F13A1: variants seen among roughly 807,000 people sequenced by gnomAD.
F13A1 encodes the protein coagulation factor XIII A chain, also known as FSF, A subunit.
F13A1 carries 47 observed loss-of-function variants against 80.1 expected under a neutral mutation model. The ratio of observed to expected loss-of-function variants is 0.59; its 90% confidence interval spans 0.46 to 0.75. F13A1 has a LOEUF of 0.75. Ranked by LOEUF, F13A1 falls within the 30% of genes least tolerant of loss-of-function variation. The pLI is 0.00. For missense variants in F13A1, 817 were observed against 930.4 expected, an observed-to-expected ratio of 0.88 and a Z score of 1.59; for synonymous variants, 349 against 344.9, an observed-to-expected ratio of 1.01 and a Z score of -0.13.
intron 10 of F13A1, among the ~76,000 whole-genome samples, chr6:6,190,510 G>A (rs1027805123): frequency 6.7e-6 from 1 of 150,288 alleles, no homozygotes; most frequent in African/African-American, 2.4e-5. Context: ...TCCCCTGCTG[G>A]GGGGTGCCTC....
At chr6:6,218,700 C>A (rs1757141319) in intron 8 of F13A1, among the ~76,000 whole-genome samples, 1 of 152,202 alleles carries the variant, frequency 6.6e-6, no homozygotes, top group South Asian at 2.1e-4. Context: ...TGAGGTGAGG[C>A]TCCCTCTTGG....
rs113911510 is a variant in F13A1 at position 6,289,779 on chromosome 6, G to A, written c.319+15572C>T. The stretch of plus-strand genomic sequence containing the variant: ...TATCAAGTCATACAAAGACATCAGT[G>A]TGCTTCCAAAATGTCATGCTCCACT... On this transcript the variant is annotated intron_variant, in intron 3 of 14. Transcript: ENST00000264870. 4.0e-3 allele frequency among the ~76,000 whole-genome samples: 605 copies of A among 151,828 alleles called. 4 individuals are homozygous for A. The highest frequency in any genetic ancestry group is 0.014 in the African/African-American group (582 of 41,352).
Position 6,284,351 on chromosome 6 carries a change from A to C in F13A1, c.320-17542T>G, listed in dbSNP as rs1232013727. Among the ~76,000 whole-genome samples, 33 of 152,274 alleles carry C rather than the reference A, an allele frequency of 2.2e-4. No homozygotes were observed. The East Asian group carries it at 6.0e-3, about 28-fold the overall frequency. On this transcript the variant is annotated intron_variant, in intron 3 of 14. Coordinates refer to ENST00000264870, the MANE Select transcript of F13A1 (RefSeq NM_000129.4). ...TGGAGAGAGTGTGTCATTTTCTATC[A>C]CTTAGAAATATGTTGCACAAATAGA...
chr6:6,302,728 CTATTA>C (rs1358220457), intron 3 of F13A1, among the ~76,000 whole-genome samples: 25 of 152,208 alleles, frequency 1.6e-4, no homozygotes, highest in African/African-American at 5.5e-4. Flanking sequence ...TCTCACTATT[CTATTA>C]TGATAGCTAT....
At chr6:6,227,467 G>A (rs1450733329) in intron 6 of F13A1, among the ~76,000 whole-genome samples, 1 of 152,238 alleles carries the variant, frequency 6.6e-6, no homozygotes, top group South Asian at 2.1e-4. Context: ...TGACTGGAGT[G>A]CAGCAGGCTT....
At chr6:6,295,335 G>T (rs1469047322) in intron 3 of F13A1, among the ~76,000 whole-genome samples, 1 of 148,088 alleles carries the variant, frequency 6.8e-6, no homozygotes, top group Admixed American at 6.7e-5. Flanking sequence ...CTTCCACAAT[G>T]GTTGAACTAG....
intron 3 of F13A1, among the ~76,000 whole-genome samples, chr6:6,278,490 T>C (rs1054902509): frequency 7.2e-5 from 11 of 152,108 alleles, no homozygotes; most frequent in African/African-American, 2.7e-4. Flanking sequence ...CCAATGTGCC[T>C]GAAGCAGAGA....
intron 13 of F13A1, among the ~76,000 whole-genome samples, chr6:6,153,671 G>A (rs555412194): frequency 1.3e-5 from 2 of 152,272 alleles, no homozygotes; most frequent in East Asian, 1.9e-4. Flanking sequence ...AGCATGGATC[G>A]TGTGCCAGGC....
rs1207408500 is a variant in F13A1 at position 6,293,806 on chromosome 6, GGAGGGAGGGAGGGAGGGAGA to G, written c.319+11525_319+11544del. On this transcript the variant is annotated intron_variant, in intron 3 of 14. Coordinates refer to ENST00000264870, the MANE Select transcript of F13A1 (RefSeq NM_000129.4). Reference sequence around the variant, plus strand: ...GAGAGGGAGGGAGGGAGGGAGGGAGGGAGGGAGGGAGGGAGGGAGAGAAGGAAATTGGTTAGAAGGCAGAA... The same window carrying G: ...GAGAGGGAGGGAGGGAGGGAGGGAGGGAAGGAAATTGGTTAGAAGGCAGAA... Among the ~76,000 whole-genome samples, 39 of 114,728 alleles carry G rather than the reference GGAGGGAGGGAGGGAGGGAGA, an allele frequency of 3.4e-4. 1 individual carries two copies. Among genetic ancestry groups the G allele is most frequent in the African/African-American group, 1.1e-3 (30 of 26,296 alleles). 75.3% of individuals were successfully genotyped at this position (114,728 alleles called of 152,430 possible).
At chr6:6,186,775 C>T (rs1362909882) in intron 10 of F13A1, among the ~76,000 whole-genome samples, 2 of 151,716 alleles carry the variant, frequency 1.3e-5, no homozygotes, top group African/African-American at 4.8e-5. Flanking sequence ...TCACTGGTAG[C>T]TTGATGGGGA....
intron 2 of F13A1, among the ~76,000 whole-genome samples, chr6:6,315,002 C>A (rs774662405): frequency 8.5e-5 from 13 of 152,148 alleles, no homozygotes; most frequent in Admixed American, 4.6e-4. Context: ...AGGTATAAGA[C>A]CCCATTAGCC....
chr6:6,320,594 C>A lies in F13A1; in HGVS notation c.-26G>T, dbSNP rs779064014. On this transcript the variant is annotated 5_prime_UTR_variant, in exon 1 of 15. Coordinates refer to ENST00000264870, the MANE Select transcript of F13A1 (RefSeq NM_000129.4). ...GCAGGGTCGGTGGCTTACCTGCAGGCGCTCCCCTCCAGAGGTGCCCTCGCG... is the reference window on the plus strand; with the variant it reads ...GCAGGGTCGGTGGCTTACCTGCAGGAGCTCCCCTCCAGAGGTGCCCTCGCG... 2 of 468,806 alleles carry A rather than the reference C, an allele frequency of 4.3e-6. No individual in the cohort carries two copies. The highest frequency in any genetic ancestry group is 4.0e-5 in the African/African-American group (2 of 50,124). 29.0% of individuals were successfully genotyped at this position (468,806 alleles called of 1,614,324 possible).
intron 10 of F13A1, among the ~76,000 whole-genome samples, chr6:6,192,228 G>A (rs1274950541): frequency 3.9e-5 from 6 of 152,198 alleles, no homozygotes; most frequent in Non-Finnish European, 7.3e-5. Context: ...TTTATTGTAA[G>A]GGTGGTGGAA....
intron 13 of F13A1, among the ~76,000 whole-genome samples, chr6:6,165,707 G>A (rs558596517): frequency 1.3e-5 from 2 of 152,198 alleles, no homozygotes; most frequent in Admixed American, 6.5e-5. Context: ...GAACAGCTTC[G>A]GGGTTAGGGC....
At chr6:6,316,924 C>G (rs991803391) in intron 2 of F13A1, among the ~76,000 whole-genome samples, 1 of 152,182 alleles carries the variant, frequency 6.6e-6, no homozygotes, top group Non-Finnish European at 1.5e-5. Context: ...TGCCTCTGCT[C>G]TCTGCTTCCC....
chr6:6,296,959 G>A (rs1414728031), intron 3 of F13A1, among the ~76,000 whole-genome samples: 6 of 145,312 alleles, frequency 4.1e-5, no homozygotes, highest in East Asian at 2.0e-4. Flanking sequence ...AGCATGAAGG[G>A]TTGTTGAATT....
At chr6:6,167,141 G>C (rs1370835943) in intron 13 of F13A1, among the ~76,000 whole-genome samples, 11 of 152,132 alleles carry the variant, frequency 7.2e-5, no homozygotes, top group Non-Finnish European at 1.5e-4. Context: ...AAAGTTCTAA[G>C]TATCTGTAGC....
chr6:6,199,687 C>T (rs935386288), intron 8 of F13A1, among the ~76,000 whole-genome samples: 2 of 152,216 alleles, frequency 1.3e-5, no homozygotes, highest in Non-Finnish European at 1.5e-5. Flanking sequence ...TCAAATTAAA[C>T]ATTCATGCTT....
At chr6:6,163,514 CCT>C (rs2151071641) in intron 13 of F13A1, among the ~76,000 whole-genome samples, 1 of 152,204 alleles carries the variant, frequency 6.6e-6, no homozygotes, top group Non-Finnish European at 1.5e-5. Context: ...CCAATAGGAC[CCT>C]GTGTGTGTTG....
Sources: gnomAD v4.1 joint callset for allele counts (sites outside exome capture counted in the v4.1 genomes callset) on GRCh38, gnomAD v4.1.1 for gene constraint, MANE v1.5 for transcripts, NCBI Gene and HGNC (gene_info 2026-07-23, HGNC 2026-07-21) for gene names.